Variants in NMT2 observed in about 807,000 individuals in gnomAD.
NMT2 encodes the protein glycylpeptide N-tetradecanoyltransferase 2.
NMT2 carries 35 observed loss-of-function variants against 65.4 expected under a neutral mutation model. That is an observed-to-expected ratio of 0.54 (90% CI 0.41 to 0.71). The LOEUF (loss-of-function observed/expected upper bound fraction) is 0.71, where lower values mean the gene tolerates loss of function less well. NMT2 is among the 30% of genes least tolerant of loss of function. NMT2 has a pLI of 0.00. For missense variants in NMT2, 489 were observed against 611.3 expected, an observed-to-expected ratio of 0.80 and a Z score of 2.11; for synonymous variants, 226 against 231.8, an observed-to-expected ratio of 0.98 and a Z score of 0.23.
At chr10:15,130,685 C>A (rs1266583404) in intron 6 of NMT2, among the ~76,000 whole-genome samples, 1 of 96,406 alleles carries the variant, frequency 1.0e-5, no homozygotes, top group Non-Finnish European at 1.9e-5. Flanking sequence ...GCCTGGACAA[C>A]AGAGCAAGGC....
chr10:15,127,557 AAAAAAAAAAAAAATAAAT>A (rs1229712593), intron 8 of NMT2, among the ~76,000 whole-genome samples: 3 of 95,536 alleles, frequency 3.1e-5, no homozygotes, highest in Non-Finnish European at 5.4e-5. Flanking sequence ...AAAAAAAAAA[AAAAAAAAAAAAAATAAAT>A]AAATAAATAA....
intron 1 of NMT2, among the ~76,000 whole-genome samples, chr10:15,153,946 C>G (rs113363204): frequency 6.6e-6 from 1 of 152,338 alleles, no homozygotes; most frequent in African/African-American, 2.4e-5. Flanking sequence ...GCCGCCGCAC[C>G]TGGCTTACAC....
chr10:15,158,923 C>T (rs1177656921), intron 1 of NMT2, among the ~76,000 whole-genome samples: 1 of 152,150 alleles, frequency 6.6e-6, no homozygotes, highest in Non-Finnish European at 1.5e-5. Context: ...CTATTTACCC[C>T]CCAAAGGTGC....
Position 15,153,406 on chromosome 10 carries a change from T to C in NMT2, c.111-11849A>G, listed in dbSNP as rs552540542. Among the ~76,000 whole-genome samples, 9 of 152,324 alleles carry C rather than the reference T, an allele frequency of 5.9e-5. No homozygotes were observed. The East Asian group carries it at 1.7e-3, about 29-fold the overall frequency. On this transcript the variant is annotated intron_variant, in intron 1 of 11. Transcript: ENST00000378165. ...TGCAGAGGCACACATGTGCACATGC[T>C]CCCATCCTTGCCACCACTGGAAGGA...
chr10:15,109,712 T>C lies in NMT2; in HGVS notation c.1466A>G (p.Asp489Gly). 1.2e-6 allele frequency: 2 copies of C among 1,606,646 alleles called. No homozygotes were observed. Among genetic ancestry groups the C allele is most frequent in the Non-Finnish European group, 1.7e-6 (2 of 1,177,618 alleles). ...ATCCATTTCACTTACCTTTTCAGAA[T>C]CTGTACCTGGACACCTCCAATTGTA... ...YLYNWRCPGT[D>G]SEKVGLVLQ Residue 489 changes from aspartate to glycine, a missense_variant, in exon 11 of 12, where the codon GAT becomes GGT. Asp to Gly is a moderately conservative substitution (Grantham distance 94). Coordinates refer to ENST00000378165, the MANE Select transcript of NMT2 (RefSeq NM_004808.3).
At chr10:15,161,101 A>AAAAAAAAAAAAAAAAAAAAAAAC (rs1833178723) in intron 1 of NMT2, among the ~76,000 whole-genome samples, 1 of 149,752 alleles carries the variant, frequency 6.7e-6, no homozygotes, top group African/African-American at 2.4e-5. Flanking sequence ...AAAAAAAAAA[A>AAAAAAAAAAAAAAAAAAAAAAAC]AAAAAAAAAC....
At chr10:15,135,534 T>C in intron 2 of NMT2, 116 bp from the exon 3 acceptor site, 1 of 1,050,924 alleles carries the variant, frequency 9.5e-7, no homozygotes, top group Non-Finnish European at 1.4e-6. Context: ...ACAATCCTCC[T>C]CCAAGCCCAG....
chr10:15,129,994 T>A, intron 7 of NMT2, 148 bp downstream of exon 7: 1 of 552,562 alleles, frequency 1.8e-6, no homozygotes, highest in Non-Finnish European at 2.9e-6. Flanking sequence ...AAGTGGCAAA[T>A]GATATACCAG....
At position 15,158,136 on chromosome 10, in the gene NMT2, C is replaced by T. The variant is rs369370615; in HGVS notation, c.110+10367G>A. On this transcript the variant is annotated intron_variant, in intron 1 of 11. Coordinates refer to ENST00000378165, the MANE Select transcript of NMT2 (RefSeq NM_004808.3). ...TTCAAGACCATCCTGGCCAACATGG[C>T]AAAAATCCATTTCTACTAAAAATAC... 2.1e-4 allele frequency among the ~76,000 whole-genome samples: 32 copies of T among 151,956 alleles called. 1 individual carries two copies. The East Asian group carries it at 6.2e-3, about 29-fold the overall frequency.
At chr10:15,161,286 G>T (rs1023246990) in intron 1 of NMT2, among the ~76,000 whole-genome samples, 1 of 151,764 alleles carries the variant, frequency 6.6e-6, no homozygotes, top group South Asian at 2.1e-4. Flanking sequence ...CATCATCCAC[G>T]CACTCTAAGA....
rs115903461 is a variant in NMT2, at chr10:15,109,866, T to C, written c.1339-27A>G. On this transcript the variant is annotated intron_variant, in intron 10 of 11. Transcript: ENST00000378165. ...TGCCAATTTAAAAAAGATTTAAAAT[T>C]TAAAACAAAGGACTAGTGTTTTCTG... 2,215 of 1,580,156 alleles carry C rather than the reference T, an allele frequency of 1.4e-3. 33 individuals carry two copies. The African/African-American group carries it at 0.027, about 19-fold the overall frequency.
At chr10:15,158,039 G>T (rs547499214) in intron 1 of NMT2, among the ~76,000 whole-genome samples, 2 of 152,288 alleles carry the variant, frequency 1.3e-5, no homozygotes, top group African/African-American at 4.8e-5. Context: ...ATAAGGCTGG[G>T]CACGGTGGCT....
intron 1 of NMT2, among the ~76,000 whole-genome samples, chr10:15,165,872 T>C (rs1375351591): frequency 8.2e-6 from 1 of 121,574 alleles, no homozygotes; most frequent in South Asian, 2.3e-4. Context: ...AGAAAGACTG[T>C]CTCAAAAAAA....
intron 1 of NMT2, among the ~76,000 whole-genome samples, chr10:15,142,747 T>C (rs908574075): frequency 2.6e-5 from 4 of 152,224 alleles, no homozygotes; most frequent in Non-Finnish European, 4.4e-5. Context: ...ATTTGTGCTA[T>C]CATGATGTTT....
At position 15,106,015 on chromosome 10, in the gene NMT2, G is replaced by C. The variant is rs1432193215; in HGVS notation, c.*3180C>G. 10 of 417,434 alleles carry C rather than the reference G, an allele frequency of 2.4e-5. No individual in the cohort carries two copies. The highest frequency in any genetic ancestry group is 4.7e-5 in the Non-Finnish European group (10 of 212,366). 25.9% of individuals were successfully genotyped at this position (417,434 alleles called of 1,614,324 possible). Reference sequence around the variant, plus strand: ...CTGCAGTTATTTATTTTACTTTCGAGATAGAGTCTCACTCTGTTGCCCAGG... The same window carrying C: ...CTGCAGTTATTTATTTTACTTTCGACATAGAGTCTCACTCTGTTGCCCAGG... On this transcript the variant is annotated 3_prime_UTR_variant, in exon 12 of 12. Coordinates refer to ENST00000378165, the MANE Select transcript of NMT2 (RefSeq NM_004808.3).
chr10:15,117,258 A>G (rs1419069786), intron 9 of NMT2, among the ~76,000 whole-genome samples: 2 of 152,336 alleles, frequency 1.3e-5, no homozygotes, highest in East Asian at 3.9e-4. Context: ...AAACCAATCA[A>G]TGTAATCTAA....
intron 1 of NMT2, among the ~76,000 whole-genome samples, chr10:15,161,278 T>TCATC (rs1436872483): frequency 6.6e-6 from 1 of 151,876 alleles, no homozygotes; most frequent in East Asian, 1.9e-4. Context: ...TCAAAATACA[T>TCATC]CATCCACGCA....
chr10:15,140,138 T>C (rs1277349213), intron 2 of NMT2, among the ~76,000 whole-genome samples: 1 of 151,868 alleles, frequency 6.6e-6, no homozygotes, highest in Non-Finnish European at 1.5e-5. Flanking sequence ...GATTGACTGA[T>C]TGATTGATTG....
intron 2 of NMT2, among the ~76,000 whole-genome samples, chr10:15,136,342 AAAG>A (rs1031909127): frequency 6.8e-6 from 1 of 147,956 alleles, no homozygotes; most frequent in African/African-American, 2.5e-5. Context: ...GAGAGAAAGA[AAAG>A]AAAAGAAAAA....
Sources: allele counts gnomAD v4.1 joint callset (sites outside exome capture counted in the v4.1 genomes callset), GRCh38; gene constraint gnomAD v4.1.1; transcripts MANE v1.5; gene names NCBI Gene and HGNC (gene_info 2026-07-23, HGNC 2026-07-21).